TSHZ2: variants seen among roughly 807,000 people sequenced by gnomAD.
TSHZ2 encodes the protein teashirt zinc finger homeobox 2.
A neutral mutation model predicts 74.4 loss-of-function variants in TSHZ2; 21 were observed. The observed-to-expected ratio is 0.28, with a 90% CI of 0.20 to 0.41. TSHZ2 has a LOEUF of 0.41. Ranked by LOEUF, TSHZ2 falls within the 10% of genes least tolerant of loss-of-function variation. The pLI, the probability that TSHZ2 is intolerant of heterozygous loss-of-function variation, is 1.00. For synonymous variants in TSHZ2, 540 were observed against 515.3 expected (o/e 1.05, Z -0.65); for missense variants, 1,244 against 1,293.5 (o/e 0.96, Z 0.59).
intron 1 of TSHZ2, among the ~76,000 whole-genome samples, chr20:53,209,618 T>A (rs1182320134): frequency 6.6e-6 from 1 of 152,110 alleles, no homozygotes; most frequent in Non-Finnish European, 1.5e-5. Context: ...GTTTTAAGAG[T>A]GCTAATCAGA....
Position 53,375,245 on chromosome 20 carries a change from A to G in TSHZ2, c.*9-111899A>G, listed in dbSNP as rs1981620004. On this transcript the variant is annotated intron_variant, in intron 2 of 2. Transcript: ENST00000371497. ...GTGAAGGTGGCCTGCAAATGATTGC[A>G]GATTGAAAAACACAAAATTATATCA... Among the ~76,000 whole-genome samples, 4 of 152,360 alleles carry G rather than the reference A, an allele frequency of 2.6e-5. No individual in the cohort carries two copies. In the South Asian group the frequency reaches 6.2e-4, roughly 24 times the overall value.
At chr20:53,104,376 C>T (rs1016898601) in intron 1 of TSHZ2, among the ~76,000 whole-genome samples, 3 of 152,116 alleles carry the variant, frequency 2.0e-5, no homozygotes, top group African/African-American at 7.2e-5. Context: ...ATTTAGGCTG[C>T]TTAAGAGCAC....
At chr20:53,083,502 C>T (rs1017091784) in intron 1 of TSHZ2, among the ~76,000 whole-genome samples, 3 of 152,008 alleles carry the variant, frequency 2.0e-5, no homozygotes, top group African/African-American at 4.8e-5. Flanking sequence ...CTGATCACAT[C>T]GGAAAGCCAA....
chr20:53,316,960 C>T (rs1199095406), intron 2 of TSHZ2, among the ~76,000 whole-genome samples: 1 of 152,072 alleles, frequency 6.6e-6, no homozygotes, highest in Non-Finnish European at 1.5e-5. Context: ...ACAATCCCAC[C>T]ATTAATGCTT....
chr20:53,208,143 G>T (rs73272809), intron 1 of TSHZ2, among the ~76,000 whole-genome samples: 1 of 152,112 alleles, frequency 6.6e-6, no homozygotes, highest in African/African-American at 2.4e-5. Flanking sequence ...ATGGTAAATC[G>T]CATTCGCCCT....
In TSHZ2 at chr20:53,007,800, G is replaced by C. The variant is rs553853226; in HGVS notation, c.40+34467G>C. On this transcript the variant is annotated intron_variant, in intron 1 of 2. Transcript: ENST00000371497. ...CCATATATCCAGTTGAGTATTTGCA[G>C]AGTGATGTGAGCATGACATGGTTAA... is the stretch of plus-strand genomic sequence containing the variant. Among the ~76,000 whole-genome samples the C allele has an allele frequency of 3.1e-4, 47 of 151,966 alleles. No homozygotes were observed. The South Asian group carries it at 5.4e-3, about 17-fold the overall frequency.
intron 1 of TSHZ2, among the ~76,000 whole-genome samples, chr20:53,048,709 ACAGT>A (rs1312171868): frequency 6.6e-6 from 1 of 152,166 alleles, no homozygotes; most frequent in Non-Finnish European, 1.5e-5. Flanking sequence ...CTCTTTGGAA[ACAGT>A]CAGCAAATGG....
chr20:53,196,061 G>A (rs1320053798), intron 1 of TSHZ2, among the ~76,000 whole-genome samples: 4 of 152,314 alleles, frequency 2.6e-5, no homozygotes, highest in East Asian at 1.9e-4. Flanking sequence ...AAGGGCTTCT[G>A]TCGGGTCTCT....
At chr20:53,390,530 C>T (rs998502744) in intron 2 of TSHZ2, among the ~76,000 whole-genome samples, 11 of 152,128 alleles carry the variant, frequency 7.2e-5, no homozygotes, top group African/African-American at 1.2e-4. Flanking sequence ...TATTAAACAC[C>T]GACTGTGTGC....
chr20:53,158,085 G>T (rs981312518), intron 1 of TSHZ2, among the ~76,000 whole-genome samples: 4 of 152,206 alleles, frequency 2.6e-5, no homozygotes, highest in African/African-American at 7.2e-5. Flanking sequence ...TCTGAATGAA[G>T]TGAGGAAGGA....
At chr20:53,372,483 A>G (rs183735619) in intron 2 of TSHZ2, among the ~76,000 whole-genome samples, 3 of 152,132 alleles carry the variant, frequency 2.0e-5, no homozygotes, top group Non-Finnish European at 4.4e-5. Flanking sequence ...TCTCAAAAAA[A>G]TAAAGAAGGA....
At chr20:52,982,353 C>G (rs969349606) in intron 1 of TSHZ2, among the ~76,000 whole-genome samples, 2 of 152,094 alleles carry the variant, frequency 1.3e-5, no homozygotes, top group African/African-American at 4.8e-5. Flanking sequence ...AAGGAAGAAC[C>G]CTCAGTCTTA....
Position 53,248,933 on chromosome 20 carries a change from C to T in TSHZ2, c.41-4566C>T, listed in dbSNP as rs563240768. 1.2e-4 allele frequency among the ~76,000 whole-genome samples: 19 copies of T among 152,260 alleles called. No individual in the cohort carries two copies. The South Asian group carries it at 3.7e-3, about 30-fold the overall frequency. ...AGCTCATTACAACCTCCATCTCCCA[C>T]TTCAAGTGGTTCTCCTGCCTCAGCC... On this transcript the variant is annotated intron_variant, in intron 1 of 2. Transcript: ENST00000371497.
intron 1 of TSHZ2, among the ~76,000 whole-genome samples, chr20:53,090,226 G>C (rs1985837153): frequency 6.6e-6 from 1 of 152,128 alleles, no homozygotes; most frequent in Non-Finnish European, 1.5e-5. Context: ...AGCTGTGCTG[G>C]CAGCTGACTA....
At chr20:53,059,504 A>G (rs781068587) in intron 1 of TSHZ2, among the ~76,000 whole-genome samples, 1 of 152,218 alleles carries the variant, frequency 6.6e-6, no homozygotes, top group Non-Finnish European at 1.5e-5. Flanking sequence ...GAAAATCTGT[A>G]TCGATAACAG....
intron 1 of TSHZ2, chr20:53,178,931 G>A (rs1988407450): frequency 6.6e-6 from 1 of 152,154 alleles, no homozygotes; most frequent in African/African-American, 2.4e-5. Flanking sequence ...AAGATCTTAA[G>A]TTTTCATAAG....
Position 52,973,013 on chromosome 20 carries a change from GA to G in TSHZ2, c.-273del, listed in dbSNP as rs112400195. On this transcript the variant is annotated 5_prime_UTR_variant, in exon 1 of 3. The change creates a premature stop within an existing upstream ORF in the 5' untranslated region. Coordinates refer to ENST00000371497, the MANE Select transcript of TSHZ2 (RefSeq NM_173485.6). ...AAAAGCAAAAACAAAAAAGAGAGAG[GA>G]AAAAAAATTCAAAATAAACAAACAA... 3.7e-4 allele frequency: 145 copies of G among 393,498 alleles called. No individual in the cohort carries two copies. Among genetic ancestry groups the G allele is most frequent in the Admixed American group, 6.2e-4 (14 of 22,412 alleles). The allele number at this position is 393,498 out of a possible 1,614,324, so 24.4% of individuals were successfully genotyped here. A position where few individuals can be genotyped will look rare whatever the true frequency, so the allele number is the denominator to read the frequency against.
intron 2 of TSHZ2, among the ~76,000 whole-genome samples, chr20:53,301,577 A>G (rs1991476415): frequency 6.6e-6 from 1 of 152,262 alleles, no homozygotes; most frequent in African/African-American, 2.4e-5. Flanking sequence ...TAATATTTAT[A>G]CATTAGAATA....
At chr20:53,096,757 C>T (rs918192866) in intron 1 of TSHZ2, among the ~76,000 whole-genome samples, 20 of 151,878 alleles carry the variant, frequency 1.3e-4, no homozygotes, top group African/African-American at 4.8e-4. Context: ...TTGTGGGCAC[C>T]TGTAATCCCA....
Sources: allele counts gnomAD v4.1 joint callset (sites outside exome capture counted in the v4.1 genomes callset), GRCh38; gene constraint gnomAD v4.1.1; transcripts MANE v1.5; gene names NCBI Gene and HGNC (gene_info 2026-07-23, HGNC 2026-07-21).